The following NOD1 variants were observed in gnomAD, a reference collection of about 807,000 sequenced individuals.
NOD1 encodes the protein nucleotide binding oligomerization domain containing 1, also known as nucleotide-binding oligomerization domain-containing protein 1.
A neutral mutation model predicts 81.2 loss-of-function variants in NOD1; 70 were observed. The observed-to-expected ratio is 0.86, with a 90% confidence interval of 0.71 to 1.05. The LOEUF is 1.05. Ranked by LOEUF, NOD1 falls within the 50% of genes least tolerant of loss-of-function variation. NOD1 has a pLI of 0.00. For missense variants in NOD1, 1,233 were observed against 1,228.0 expected (o/e 1.00, Z -0.06); for synonymous variants, 508 against 526.9 (o/e 0.96, Z 0.49).
chr7:30,469,408 C>T (rs1025849176), intron 1 of NOD1, among the ~76,000 whole-genome samples: 20 of 152,184 alleles, frequency 1.3e-4, no homozygotes, highest in African/African-American at 4.8e-4. Context: ...CCTCCCTACT[C>T]CCTCTTCCCT....
chr7:30,448,196 G>A, intron 7 of NOD1, 102 bp downstream of exon 7: 2 of 974,192 alleles, frequency 2.1e-6, no homozygotes, highest in Non-Finnish European at 3.3e-6. Context: ...CCCAGCCCTG[G>A]GCCATCCGTG....
intron 1 of NOD1, among the ~76,000 whole-genome samples, chr7:30,468,242 T>C (rs569081624): frequency 1.3e-5 from 2 of 152,314 alleles, no homozygotes; most frequent in East Asian, 3.9e-4. Context: ...TATTTCCTCT[T>C]TTTTTCATAA....
intron 8 of NOD1, 152 bp downstream of exon 8, chr7:30,446,815 T>G: frequency 1.6e-6 from 1 of 631,574 alleles, no homozygotes; most frequent in Non-Finnish European, 2.8e-6. Context: ...GCCTCACAGA[T>G]CACACAGAGG....
intron 12 of NOD1, among the ~76,000 whole-genome samples, chr7:30,431,523 G>A (rs1369429528): frequency 2.0e-5 from 3 of 152,236 alleles, no homozygotes; most frequent in African/African-American, 7.2e-5. Context: ...TTTGACAAGG[G>A]TGTCAAGGCC....
intron 7 of NOD1, chr7:30,447,322 C>A: frequency 4.1e-6 from 2 of 485,994 alleles, no homozygotes; most frequent in Non-Finnish European, 7.7e-6. Context: ...TGATAGTCCC[C>A]TTGCAGGGTG....
chr7:30,457,386 G>C (rs1245994763), intron 3 of NOD1, among the ~76,000 whole-genome samples: 2 of 152,106 alleles, frequency 1.3e-5, no homozygotes, highest in African/African-American at 4.8e-5. Flanking sequence ...AAGAGTTCAA[G>C]GCTGCAGTGA....
At chr7:30,446,823 A>T in intron 8 of NOD1, 144 bp downstream of exon 8, 1 of 654,128 alleles carries the variant, frequency 1.5e-6, no homozygotes, top group Non-Finnish European at 2.7e-6. Flanking sequence ...GATCACACAG[A>T]GGTATCTTTA....
chr7:30,430,460 G>T (rs950146918), intron 12 of NOD1, among the ~76,000 whole-genome samples: 1 of 152,098 alleles, frequency 6.6e-6, no homozygotes, highest in African/African-American at 2.4e-5. Context: ...TTGTAGAATA[G>T]GCTCCTGCTA....
chr7:30,475,226 A>G (rs1038671730), intron 1 of NOD1, among the ~76,000 whole-genome samples: 1 of 152,214 alleles, frequency 6.6e-6, no homozygotes, highest in African/African-American at 2.4e-5. Context: ...GGCTCTGAAA[A>G]TATCTACCAA....
In NOD1 at chr7:30,448,284, G is replaced by A. The variant is rs1785321328; in HGVS notation, c.2285+14C>T. ...TACTAGGTAGTTGGCCCAGTGTTCT[G>A]GAGAAAGACATACCCCAAATAGGTC... On this transcript the variant is annotated intron_variant, in intron 7 of 13. Coordinates refer to ENST00000222823, the MANE Select transcript of NOD1 (RefSeq NM_006092.4). 6.2e-7 allele frequency: 1 copy of A among 1,602,948 alleles called. No homozygotes were observed.
intron 6 of NOD1, among the ~76,000 whole-genome samples, chr7:30,450,066 T>C (rs765345988): frequency 7.2e-5 from 11 of 152,200 alleles, no homozygotes; most frequent in Non-Finnish European, 1.5e-4. Flanking sequence ...TGGTGGCGTG[T>C]GCCTGTAATC....
At chr7:30,476,919 G>A (rs747767992) in intron 1 of NOD1, among the ~76,000 whole-genome samples, 2 of 152,168 alleles carry the variant, frequency 1.3e-5, no homozygotes, top group East Asian at 3.9e-4. Context: ...AACAATTAAC[G>A]GGCACAAACT....
chr7:30,431,198 G>C (rs1783922157), intron 12 of NOD1, among the ~76,000 whole-genome samples: 2 of 152,182 alleles, frequency 1.3e-5, no homozygotes, highest in East Asian at 1.9e-4. Context: ...GCTCTCCCTG[G>C]AGAGGCTGGC....
chr7:30,457,020 GC>G lies in NOD1; in HGVS notation c.-100del. 1.1e-6 allele frequency: 1 copy of G among 952,140 alleles called. No individual in the cohort carries two copies. The highest frequency in any genetic ancestry group is 1.4e-5 in the South Asian group (1 of 72,230). 59.0% of individuals were successfully genotyped at this position (952,140 alleles called of 1,614,324 possible). A position where few individuals can be genotyped will look rare whatever the true frequency, so the allele number is the denominator to read the frequency against. ...CAGGATTCAGGCCGCGCCCTCCAGG[GC>G]CCCTGCTACTCTGCGCAGCCCCTGA... On this transcript the variant is annotated 5_prime_UTR_variant, in exon 4 of 14. Transcript: ENST00000222823.
At position 30,478,401 on chromosome 7, in the gene NOD1, G is replaced by A. The variant is rs1789005440; in HGVS notation, c.-352+205C>T. On this transcript the variant is annotated intron_variant, in intron 1 of 13. Transcript: ENST00000222823. The surrounding 1 kb of genome is among the most constrained non-coding windows in gnomAD (Gnocchi z 4.1). ...CGACCACAGTGGGATAAACGATTCC[G>A]CTGACTGTGAAGTTCATCCCTCTCA... is the stretch of plus-strand genomic sequence containing the variant. Among the ~76,000 whole-genome samples, 1 of 152,168 alleles carries A rather than the reference G, an allele frequency of 6.6e-6. No individual in the cohort carries two copies. Among genetic ancestry groups the A allele is most frequent in the Admixed American group, 6.5e-5 (1 of 15,280 alleles).
In NOD1 at chr7:30,424,557, T is replaced by A. The variant is rs1783296972; in HGVS notation, c.*1081A>T. On this transcript the variant is annotated 3_prime_UTR_variant, in exon 14 of 14. Coordinates refer to ENST00000222823, the MANE Select transcript of NOD1 (RefSeq NM_006092.4). The stretch of plus-strand genomic sequence containing the variant: ...GTGTTTTCAGTATTTTATTAACAAA[T>A]GAGCTGGCAAGAGGACAAGTGATCT... 6.6e-6 allele frequency: 1 copy of A among 152,078 alleles called. No individual in the cohort carries two copies. Among genetic ancestry groups the A allele is most frequent in the Admixed American group, 6.5e-5 (1 of 15,268 alleles). The allele number at this position is 152,078 out of a possible 1,614,324, so 9.4% of individuals were successfully genotyped here. A position where few individuals can be genotyped will look rare whatever the true frequency, so the allele number is the denominator to read the frequency against.
intron 5 of NOD1, among the ~76,000 whole-genome samples, chr7:30,453,242 C>G (rs1186103382): frequency 7.9e-5 from 12 of 152,150 alleles, no homozygotes; most frequent in Admixed American, 7.9e-4. Flanking sequence ...GGGCCCCAGG[C>G]TTTGATCTCT....
chr7:30,460,593 G>A (rs1786940976), intron 1 of NOD1: 15 of 985,266 alleles, frequency 1.5e-5, no homozygotes, highest in South Asian at 4.7e-5. Context: ...AGGACACACC[G>A]CAGAACAAAA....
intron 1 of NOD1, among the ~76,000 whole-genome samples, chr7:30,469,603 C>A (rs765407616): frequency 6.6e-6 from 1 of 151,966 alleles, no homozygotes; most frequent in Non-Finnish European, 1.5e-5. Context: ...AAGTCCAATG[C>A]CTGCCCCCAC....
Sources: allele counts gnomAD v4.1 joint callset (sites outside exome capture counted in the v4.1 genomes callset), GRCh38; gene constraint gnomAD v4.1.1; non-coding constraint Gnocchi (gnomAD v3.1); transcripts MANE v1.5; gene names NCBI Gene and HGNC (gene_info 2026-07-23, HGNC 2026-07-21).